CERS5: variants seen among roughly 807,000 people sequenced by gnomAD.
The protein encoded by CERS5 is LAG1 homolog, ceramide synthase 5.
CERS5 carries 37 observed loss-of-function variants against 58.9 expected under a neutral mutation model. The ratio of observed to expected loss-of-function variants is 0.63; its 90% CI spans 0.48 to 0.83. The LOEUF is 0.83. Ranked by LOEUF, CERS5 falls within the 40% of genes least tolerant of loss-of-function variation. The pLI is 0.00. For synonymous variants in CERS5, 147 were observed against 177.8 expected (o/e 0.83, Z 1.38); for missense variants, 398 against 489.3 (o/e 0.81, Z 1.76).
intron 9 of CERS5, among the ~76,000 whole-genome samples, chr12:50,131,665 A>C (rs1164148325): frequency 6.6e-6 from 1 of 152,028 alleles, no homozygotes; most frequent in Non-Finnish European, 1.5e-5. Flanking sequence ...AAAGAATCCC[A>C]GTTCTAATCA....
intron 1 of CERS5, chr12:50,166,384 AT>A (rs1939900637): frequency 6.2e-6 from 1 of 161,234 alleles, no homozygotes; most frequent in African/African-American, 2.4e-5. Flanking sequence ...CTGTCCTCTG[AT>A]AAAGCCCTGT....
chr12:50,150,648 C>A (rs1937861938), intron 1 of CERS5, among the ~76,000 whole-genome samples: 1 of 152,058 alleles, frequency 6.6e-6, no homozygotes. Context: ...CGCTGGACAA[C>A]ATCAGCATAA....
At chr12:50,156,079 G>A (rs1194273243) in intron 1 of CERS5, among the ~76,000 whole-genome samples, 74 of 110,810 alleles carry the variant, frequency 6.7e-4, no homozygotes, top group African/African-American at 2.3e-3. Context: ...CAGCCTGGGC[G>A]ACAGAGCGAC....
rs570469482 is a variant in CERS5, at chr12:50,147,810, C to A, written c.198-3753G>T. ...TTATTTATATTGAGACAGGGTCTCA[C>A]TCTGCCACCCAGGCTGGAGTGCAGT... On this transcript the variant is annotated intron_variant, in intron 1 of 9. Coordinates refer to ENST00000317551, the MANE Select transcript of CERS5 (RefSeq NM_147190.5). Among the ~76,000 whole-genome samples the A allele has an allele frequency of 3.3e-4, 50 of 152,258 alleles. 1 individual carries two copies. The South Asian group carries it at 0.01, about 32-fold the overall frequency.
chr12:50,140,232 G>A (rs1487802373), intron 4 of CERS5, among the ~76,000 whole-genome samples: 1 of 141,080 alleles, frequency 7.1e-6, no homozygotes. Context: ...TTCTTCTCTT[G>A]TGATTTTTTA....
chr12:50,135,322 T>A (rs1233508044), intron 8 of CERS5: 1 of 289,848 alleles, frequency 3.5e-6, no homozygotes, highest in Non-Finnish European at 6.5e-6. Context: ...TGTGTGTGTG[T>A]GTGTGTGTGT....
rs1190568041 is a variant in CERS5, at chr12:50,129,776, G to C, written c.*769C>G. 6.6e-6 allele frequency: 1 copy of C among 151,474 alleles called. No homozygotes were observed. The highest frequency in any genetic ancestry group is 1.5e-5 in the Non-Finnish European group (1 of 68,000). The allele number at this position is 151,474 out of a possible 1,614,324, so 9.4% of individuals were successfully genotyped here. A position where few individuals can be genotyped will look rare whatever the true frequency, so the allele number is the denominator to read the frequency against. The stretch of plus-strand genomic sequence containing the variant: ...TCAGGAAACTGCGGATAGAGTCACT[G>C]AAGAGGTTGAGACAGTAGAGGTGGG... On this transcript the variant is annotated 3_prime_UTR_variant, in exon 10 of 10. Transcript: ENST00000317551.
intron 1 of CERS5, chr12:50,165,980 A>T (rs1406816200): frequency 6.6e-6 from 3 of 453,608 alleles, no homozygotes; most frequent in East Asian, 7.0e-5. Flanking sequence ...TTAAAGGTGA[A>T]ATCATGTGGT....
At chr12:50,149,571 CTAGAT>C (rs1225381407) in intron 1 of CERS5, among the ~76,000 whole-genome samples, 3 of 152,110 alleles carry the variant, frequency 2.0e-5, no homozygotes, top group Non-Finnish European at 4.4e-5. Flanking sequence ...AAACCAAAGT[CTAGAT>C]TAAGCTTCTC....
intron 5 of CERS5, among the ~76,000 whole-genome samples, chr12:50,138,289 T>C (rs1951792358): frequency 1.3e-5 from 2 of 152,086 alleles, no homozygotes; most frequent in Admixed American, 1.3e-4. Flanking sequence ...CTTGCTTTTC[T>C]TTTAGCCCAA....
chr12:50,135,572 T>G (rs747023472), intron 8 of CERS5, 160 bp downstream of exon 8: 1 of 731,614 alleles, frequency 1.4e-6, no homozygotes, highest in South Asian at 1.4e-5. Context: ...CCACAGAAGG[T>G]CAGCACAGGC....
intron 4 of CERS5, among the ~76,000 whole-genome samples, chr12:50,139,394 C>T (rs1951847401): frequency 6.6e-6 from 1 of 152,036 alleles, no homozygotes; most frequent in Non-Finnish European, 1.5e-5. Flanking sequence ...GAGGTGGTAG[C>T]ATTGCCTGAG....
At chr12:50,146,559 G>A (rs1952278309) in intron 1 of CERS5, among the ~76,000 whole-genome samples, 1 of 152,152 alleles carries the variant, frequency 6.6e-6, no homozygotes, top group African/African-American at 2.4e-5. Flanking sequence ...CAGCTATATG[G>A]AGCGTAAGAA....
At chr12:50,132,416 T>TA (rs940837416) in intron 9 of CERS5, among the ~76,000 whole-genome samples, 2 of 125,710 alleles carry the variant, frequency 1.6e-5, no homozygotes, top group Non-Finnish European at 3.4e-5. Context: ...AATAAATAAA[T>TA]AAAAATTAAA....
At chr12:50,151,369 T>A (rs534283992) in intron 1 of CERS5, among the ~76,000 whole-genome samples, 4 of 152,324 alleles carry the variant, frequency 2.6e-5, no homozygotes, top group African/African-American at 9.6e-5. Context: ...AAAACCACAA[T>A]TACTTTTGCA....
In CERS5 at chr12:50,137,839, T is replaced by G. The variant is rs758932233; in HGVS notation, c.544-19A>C. The G allele has an allele frequency of 6.7e-7, 1 of 1,496,566 alleles. No homozygotes were observed. The highest frequency in any genetic ancestry group is 9.3e-7 in the Non-Finnish European group (1 of 1,075,456). The allele number at this position is 1,496,566 out of a possible 1,614,324, so 92.7% of individuals were successfully genotyped here. ...AAAGAGGCTGGAAGAGAGAAAGAAG[T>G]AGTTAGATTACCGGCTAGTCAAAGG... is the stretch of plus-strand genomic sequence containing the variant. On this transcript the variant is annotated intron_variant, in intron 5 of 9. Coordinates refer to ENST00000317551, the MANE Select transcript of CERS5 (RefSeq NM_147190.5).
chr12:50,167,250 C>T lies in CERS5; in HGVS notation c.48G>A (p.Leu16=). Residue 16 remains leucine, a synonymous_variant, in exon 1 of 10, where the codon CTG becomes CTA. Transcript: ENST00000317551. ...CGGGTAGCCAGAAGCGCTCGCTCCA[C>T]AGCCAGCCCCACAGCAAGCTTAGGG... ...QGPLSLLWGW[L]WSERFWLPEN... is the part of the protein sequence containing the mutation. The T allele has an allele frequency of 6.3e-7, 1 of 1,594,058 alleles. No homozygotes were observed. Among genetic ancestry groups the T allele is most frequent in the Non-Finnish European group, 8.5e-7 (1 of 1,173,768 alleles).
chr12:50,156,760 G>A (rs10783337), intron 1 of CERS5, among the ~76,000 whole-genome samples: 48,401 of 151,870 alleles, frequency 0.32, 8,539 homozygotes, highest in East Asian at 0.76. Flanking sequence ...AATCTCAGGA[G>A]TCAAAAAGGA....
At chr12:50,134,778 G>C in intron 8 of CERS5, 76 bp from the exon 9 acceptor site, 2 of 1,360,962 alleles carry the variant, frequency 1.5e-6, no homozygotes, top group South Asian at 2.7e-5. Flanking sequence ...TCCTGGGGAT[G>C]CAGAGCCCTG....
Sources: gnomAD v4.1 joint callset for allele counts (sites outside exome capture counted in the v4.1 genomes callset) on GRCh38, gnomAD v4.1.1 for gene constraint, MANE v1.5 for transcripts, NCBI Gene and HGNC (gene_info 2026-07-23, HGNC 2026-07-21) for gene names.